The following PAPSS1 variants were observed in gnomAD, a reference collection of about 807,000 sequenced individuals.
The protein encoded by PAPSS1 is 3'-phosphoadenosine 5'-phosphosulfate synthase 1, also known as bifunctional 3'-phosphoadenosine 5'-phosphosulfate synthase 1.
In PAPSS1, 50 loss-of-function variants were observed where a neutral mutation model predicts 72.0. That is an observed-to-expected ratio of 0.69 (90% CI 0.55 to 0.88). PAPSS1 has a LOEUF of 0.88. PAPSS1 is among the 40% of genes least tolerant of loss of function. The pLI is 0.00. For missense variants in PAPSS1, 657 were observed against 782.2 expected (o/e 0.84, Z 1.91); for synonymous variants, 261 against 263.6 (o/e 0.99, Z 0.09).
intron 5 of PAPSS1, among the ~76,000 whole-genome samples, chr4:107,677,030 T>C (rs1331412809): frequency 2.0e-5 from 3 of 152,146 alleles, no homozygotes; most frequent in Non-Finnish European, 4.4e-5. Context: ...ATACAAAAAT[T>C]AATTCAAGAT....
At chr4:107,622,154 C>T (rs1044365158) in intron 11 of PAPSS1, among the ~76,000 whole-genome samples, 2 of 152,120 alleles carry the variant, frequency 1.3e-5, no homozygotes, top group African/African-American at 4.8e-5. Flanking sequence ...AGAAAATGAC[C>T]TTTGTCCTGC....
chr4:107,658,299 A>C (rs1372422338), intron 6 of PAPSS1, among the ~76,000 whole-genome samples: 1 of 151,354 alleles, frequency 6.6e-6, no homozygotes, highest in African/African-American at 2.4e-5. Flanking sequence ...AGGAAAAAAA[A>C]AAAAAAAGGG....
At chr4:107,662,762 T>C (rs1727217575) in intron 5 of PAPSS1, among the ~76,000 whole-genome samples, 1 of 152,168 alleles carries the variant, frequency 6.6e-6, no homozygotes, top group Non-Finnish European at 1.5e-5. Flanking sequence ...ATCCCAGATA[T>C]GGTTATCACT....
Position 107,653,619 on chromosome 4 carries a change from A to G in PAPSS1, c.1109T>C (p.Met370Thr). Residue 370 changes from methionine (M) to threonine (T), a missense_variant, in exon 9 of 12, where the codon ATG becomes ACG. Coordinates refer to ENST00000265174, the MANE Select transcript of PAPSS1 (RefSeq NM_005443.5). Reference protein sequence around the residue: ...CKNHPYIKMVMEQGDWLIGGD... With the variant: ...CKNHPYIKMVTEQGDWLIGGD... ...TCCAATCAGCCAATCTCCTTGTTCC[A>G]TCACCATCTAATAGGAAAAACAAAT... is the stretch of plus-strand genomic sequence containing the variant. The G allele has an allele frequency of 1.9e-6, 3 of 1,609,956 alleles. No individual in the cohort carries two copies. Among genetic ancestry groups the G allele is most frequent in the East Asian group, 2.2e-5 (1 of 44,772 alleles).
At chr4:107,646,004 G>C (rs1726683230) in intron 9 of PAPSS1, among the ~76,000 whole-genome samples, 1 of 152,092 alleles carries the variant, frequency 6.6e-6, no homozygotes, top group Admixed American at 6.5e-5. Flanking sequence ...GCCACATCAT[G>C]TAAAATCCAA....
At chr4:107,649,548 G>A (rs1455403111) in intron 9 of PAPSS1, among the ~76,000 whole-genome samples, 3 of 152,172 alleles carry the variant, frequency 2.0e-5, no homozygotes, top group African/African-American at 7.2e-5. Context: ...GGAGCTGACT[G>A]ACACAGGTTC....
At chr4:107,716,693 T>G (rs971214303) in intron 1 of PAPSS1, among the ~76,000 whole-genome samples, 1 of 79,788 alleles carries the variant, frequency 1.3e-5, no homozygotes, top group Non-Finnish European at 3.3e-5. Context: ...ATGATATTCA[T>G]TATATCTGAC....
chr4:107,620,890 T>C (rs968987922), intron 11 of PAPSS1, among the ~76,000 whole-genome samples: 1 of 152,122 alleles, frequency 6.6e-6, no homozygotes, highest in African/African-American at 2.4e-5. Flanking sequence ...GAAAAGCAGG[T>C]AACAGAACAA....
At chr4:107,682,966 AT>A (rs1722675109) in intron 4 of PAPSS1, among the ~76,000 whole-genome samples, 1 of 152,200 alleles carries the variant, frequency 6.6e-6, no homozygotes, top group Non-Finnish European at 1.5e-5. Context: ...CACTATTTAG[AT>A]TTTTCCTATG....
intron 10 of PAPSS1, among the ~76,000 whole-genome samples, chr4:107,634,934 A>G (rs1253003265): frequency 2.0e-5 from 3 of 150,178 alleles, no homozygotes; most frequent in Non-Finnish European, 4.4e-5. Flanking sequence ...AGTAGCTGGG[A>G]CTACAGGCGC....
rs60329677 is a variant in PAPSS1, at chr4:107,656,175, C to T, written c.895+721G>A. 4.8e-3 allele frequency among the ~76,000 whole-genome samples: 724 copies of T among 152,140 alleles called. 15 individuals are homozygous for T. The East Asian group carries it at 0.071, about 15-fold the overall frequency. ...TCGCCCAGGCTAGAGTATAGTGGTG[C>T]CATGATCTTGGCTCACCACACCCTC... On this transcript the variant is annotated intron_variant, in intron 7 of 11. Coordinates refer to ENST00000265174, the MANE Select transcript of PAPSS1 (RefSeq NM_005443.5).
chr4:107,708,327 G>A (rs951792784), intron 1 of PAPSS1, among the ~76,000 whole-genome samples: 3 of 152,120 alleles, frequency 2.0e-5, no homozygotes, highest in Admixed American at 1.3e-4. Flanking sequence ...CACCTCTTTA[G>A]CTTTAGCTCC....
At chr4:107,678,404 T>C (rs1397538803) in intron 5 of PAPSS1, among the ~76,000 whole-genome samples, 1 of 150,266 alleles carries the variant, frequency 6.7e-6, no homozygotes, top group East Asian at 2.0e-4. Context: ...ACCTAACAAG[T>C]GAAAAGGCCA....
intron 1 of PAPSS1, among the ~76,000 whole-genome samples, chr4:107,711,106 T>C (rs1723480375): frequency 6.6e-6 from 1 of 152,256 alleles, no homozygotes; most frequent in African/African-American, 2.4e-5. Flanking sequence ...TCATAAAAGC[T>C]AGATACAAGA....
chr4:107,681,036 G>A (rs1722565662), intron 5 of PAPSS1, among the ~76,000 whole-genome samples: 2 of 151,890 alleles, frequency 1.3e-5, no homozygotes, highest in African/African-American at 4.8e-5. Flanking sequence ...AAACTCAAAG[G>A]CTAAACATTT....
chr4:107,671,012 G>A (rs998746576), intron 5 of PAPSS1, among the ~76,000 whole-genome samples: 3 of 152,162 alleles, frequency 2.0e-5, no homozygotes, highest in Admixed American at 1.3e-4. Flanking sequence ...AGGGGAATAT[G>A]GGATAGTGTG....
chr4:107,692,998 G>A (rs1223059024), intron 3 of PAPSS1, among the ~76,000 whole-genome samples: 1 of 152,148 alleles, frequency 6.6e-6, no homozygotes, highest in Non-Finnish European at 1.5e-5. Context: ...GACTGTTGTG[G>A]TTGGGGAGGG....
intron 5 of PAPSS1, among the ~76,000 whole-genome samples, chr4:107,680,400 A>G (rs1460062498): frequency 6.6e-6 from 1 of 152,194 alleles, no homozygotes; most frequent in African/African-American, 2.4e-5. Context: ...GTTAAAAAAA[A>G]ATGGAACATC....
chr4:107,637,088 C>T (rs1171662578), intron 10 of PAPSS1, among the ~76,000 whole-genome samples: 1 of 152,144 alleles, frequency 6.6e-6, no homozygotes, highest in Non-Finnish European at 1.5e-5. Context: ...GGTTAAGATA[C>T]CACATGACTA....
Sources: gnomAD v4.1 joint callset for allele counts (sites outside exome capture counted in the v4.1 genomes callset) on GRCh38, gnomAD v4.1.1 for gene constraint, MANE v1.5 for transcripts, NCBI Gene and HGNC (gene_info 2026-07-23, HGNC 2026-07-21) for gene names.